Variants in ANKS6 observed in about 807,000 individuals in gnomAD.
ANKS6 encodes ankyrin repeat and SAM domain-containing protein 6.
ANKS6 carries 47 observed loss-of-function variants against 77.9 expected under a neutral mutation model. The observed-to-expected ratio is 0.60, with a 90% CI of 0.48 to 0.77. The LOEUF (loss-of-function observed/expected upper bound fraction) is 0.77, where lower values mean the gene tolerates loss of function less well. ANKS6 is among the 30% of genes least tolerant of loss of function. ANKS6 has a pLI of 0.00. For synonymous variants in ANKS6, 488 were observed against 501.7 expected (o/e 0.97, Z 0.37); for missense variants, 1,150 against 1,159.1 (o/e 0.99, Z 0.11).
chr9:98,792,523 A>AG (rs1834957130), intron 1 of ANKS6, among the ~76,000 whole-genome samples: 1 of 152,238 alleles, frequency 6.6e-6, no homozygotes, highest in Non-Finnish European at 1.5e-5. Flanking sequence ...ATAACCACAT[A>AG]GGGGAAGGTC....
rs527328235 is a variant in ANKS6 at position 98,732,386 on chromosome 9, C to T, written c.*4133G>A. 4.3e-6 allele frequency: 5 copies of T among 1,173,086 alleles called. No individual in the cohort carries two copies. The East Asian group carries it at 7.7e-5, about 18-fold the overall frequency. 72.7% of individuals were successfully genotyped at this position (1,173,086 alleles called of 1,614,324 possible). On this transcript the variant is annotated 3_prime_UTR_variant, in exon 15 of 15. Transcript: ENST00000353234. ...GTCAAACTATCTTTCTTTCTGTCTG[C>T]CATGCCAGGAAATCCAGTGACAGCA...
At chr9:98,756,722 G>C in intron 11 of ANKS6, 119 bp from the exon 12 acceptor site, 3 of 847,548 alleles carry the variant, frequency 3.5e-6, no homozygotes, top group Non-Finnish European at 4.9e-6. Flanking sequence ...GTTTAACCAA[G>C]ACTATGAAAT....
Position 98,732,317 on chromosome 9 carries a change from T to C in ANKS6, c.*4202A>G. The C allele has an allele frequency of 4.3e-6, 3 of 704,936 alleles. No homozygotes were observed. Among genetic ancestry groups the C allele is most frequent in the Non-Finnish European group, 6.9e-6 (3 of 433,030 alleles). The allele number at this position is 704,936 out of a possible 1,614,324, so 43.7% of individuals were successfully genotyped here. On this transcript the variant is annotated 3_prime_UTR_variant, in exon 15 of 15. Transcript: ENST00000353234. ...CTGAGGCAAGAATAAAAGGGACGAG[T>C]TCCCTGCCCCCTTTTTACCCGCTGG...
intron 9 of ANKS6, among the ~76,000 whole-genome samples, chr9:98,771,524 C>T (rs977834077): frequency 6.6e-6 from 1 of 152,188 alleles, no homozygotes; most frequent in Non-Finnish European, 1.5e-5. Flanking sequence ...TTTCCTGGCC[C>T]CATTGTCCCT....
chr9:98,738,408 A>G lies in ANKS6; in HGVS notation c.2512-1785T>C, dbSNP rs549969322. ...CAACAAGAAAAAAACAAACAATCCC[A>G]TCAAAAAGTGGGCTAAGGACATGAA... On this transcript the variant is annotated intron_variant, in intron 14 of 14. Transcript: ENST00000353234. Among the ~76,000 whole-genome samples, 47 of 152,280 alleles carry G rather than the reference A, an allele frequency of 3.1e-4. 1 individual carries two copies. The South Asian group carries it at 9.5e-3, about 31-fold the overall frequency.
chr9:98,732,236 G>A lies in ANKS6; in HGVS notation c.*4283C>T, dbSNP rs1831241133. 2 of 533,782 alleles carry A rather than the reference G, an allele frequency of 3.7e-6. No homozygotes were observed. Among genetic ancestry groups the A allele is most frequent in the South Asian group, 4.3e-5 (2 of 46,650 alleles). 33.1% of individuals were successfully genotyped at this position (533,782 alleles called of 1,614,324 possible). A position where few individuals can be genotyped will look rare whatever the true frequency, so the allele number is the denominator to read the frequency against. On this transcript the variant is annotated 3_prime_UTR_variant, in exon 15 of 15. Transcript: ENST00000353234. ...AGGAGGCATTTACTTGGAAGTACAG[G>A]TCAGCGTTATCCAAAGTTGTCCAGC...
At position 98,780,209 on chromosome 9, in the gene ANKS6, C is replaced by A; in HGVS notation, c.1348G>T (p.Asp450Tyr). ...CAAACCTTCAGTCCACCCTTGTCAT[C>A]GGGCAGCACTGGGATGCTCCAGGGC... ...RQPWSIPVLP[D>Y]DKGGLKSWWN... Residue 450 changes from aspartate to tyrosine, a missense_variant, in exon 6 of 15, where the codon GAT (aspartate) becomes TAT (tyrosine). Transcript: ENST00000353234. 6.2e-7 allele frequency: 1 copy of A among 1,614,032 alleles called. No homozygotes were observed. Among genetic ancestry groups the A allele is most frequent in the South Asian group, 1.1e-5 (1 of 91,048 alleles).
intron 14 of ANKS6, among the ~76,000 whole-genome samples, chr9:98,742,653 G>A (rs1280594948): frequency 6.6e-6 from 1 of 152,166 alleles, no homozygotes; most frequent in Non-Finnish European, 1.5e-5. Context: ...CAGGGTGGAT[G>A]CTGCCTGTTG....
At chr9:98,784,312 G>C (rs940064462) in intron 3 of ANKS6, 155 bp from the exon 4 acceptor site, 6 of 612,780 alleles carry the variant, frequency 9.8e-6, no homozygotes, top group African/African-American at 1.9e-5. Context: ...GTCAGAGATA[G>C]CCCCGACTCT....
In ANKS6 at chr9:98,754,457, C is replaced by T. The variant is rs375217382; in HGVS notation, c.2326+1963G>A. Among the ~76,000 whole-genome samples the T allele has an allele frequency of 2.8e-4, 43 of 152,040 alleles. 1 individual carries two copies. In the East Asian group the frequency reaches 5.2e-3, roughly 19 times the overall value. ...GAGATCGAGACCATCCTGGCTAACA[C>T]GGTGAAACCCCGTCTCTACTAATAA... On this transcript the variant is annotated intron_variant, in intron 12 of 14. Transcript: ENST00000353234.
At position 98,790,360 on chromosome 9, in the gene ANKS6, C is replaced by A. The variant is rs774174680; in HGVS notation, c.606G>T (p.Gly202=). 1.1e-5 allele frequency: 18 copies of A among 1,613,264 alleles called. No individual in the cohort carries two copies. Among genetic ancestry groups the A allele is most frequent in the Non-Finnish European group, 1.4e-5 (16 of 1,179,950 alleles). Residue 202 remains glycine (G), a synonymous_variant, in exon 2 of 15, where the codon GGG becomes GGT. Transcript: ENST00000353234. ...TCAGTAGACGCACCACGGCCTCGTGCCCGTGCTGGATGGCAGCCATCAGGG... is the reference window on the plus strand; with the variant it reads ...TCAGTAGACGCACCACGGCCTCGTGACCGTGCTGGATGGCAGCCATCAGGG... ...ITALMAAIQH[G]HEAVVRLLME... is the part of the protein sequence containing the mutation.
intron 12 of ANKS6, among the ~76,000 whole-genome samples, chr9:98,755,526 C>CT: frequency 6.6e-6 from 1 of 152,346 alleles, no homozygotes; most frequent in Non-Finnish European, 1.5e-5. Flanking sequence ...CGCATGGGGG[C>CT]TGCAGAGGCT....
intron 1 of ANKS6, among the ~76,000 whole-genome samples, chr9:98,794,804 C>A (rs1264088418): frequency 1.3e-5 from 2 of 152,136 alleles, no homozygotes; most frequent in South Asian, 4.1e-4. Context: ...ACCTACCATA[C>A]AAGAGAATCA....
intron 9 of ANKS6, 21 bp from the exon 10 acceptor site, chr9:98,771,067 C>T (rs952871466): frequency 1.3e-6 from 2 of 1,513,876 alleles, no homozygotes; most frequent in East Asian, 2.5e-5. Flanking sequence ...AAGGCAGGTG[C>T]AGCACTTAGG....
chr9:98,738,511 A>T (rs1457655961), intron 14 of ANKS6, among the ~76,000 whole-genome samples: 1 of 152,172 alleles, frequency 6.6e-6, no homozygotes, highest in African/African-American at 2.4e-5. Flanking sequence ...ATGATCAGGG[A>T]AATGTAAATC....
In ANKS6 at chr9:98,756,301, A is replaced by G. The variant is rs954294304; in HGVS notation, c.2326+119T>C. ...GAAGAGGAGGGACATGTTTGTCGTA[A>G]ATCTTCTTAAAACCTGACCTAGGAT... is the stretch of plus-strand genomic sequence containing the variant. On this transcript the variant is annotated intron_variant, in intron 12 of 14. Coordinates refer to ENST00000353234, the MANE Select transcript of ANKS6 (RefSeq NM_173551.5). 3.5e-6 allele frequency: 4 copies of G among 1,127,028 alleles called. No individual in the cohort carries two copies. The African/African-American group carries it at 4.8e-5, about 14-fold the overall frequency. The allele number at this position is 1,127,028 out of a possible 1,614,324, so 69.8% of individuals were successfully genotyped here. A position where few individuals can be genotyped will look rare whatever the true frequency, so the allele number is the denominator to read the frequency against.
chr9:98,784,331 T>G, intron 3 of ANKS6, 174 bp from the exon 4 acceptor site: 1 of 551,166 alleles, frequency 1.8e-6, no homozygotes. Flanking sequence ...CTTAAATGCC[T>G]CAGTCTAGGC....
In ANKS6 at chr9:98,732,654, A is replaced by G. The variant is rs1188376569; in HGVS notation, c.*3865T>C. On this transcript the variant is annotated 3_prime_UTR_variant, in exon 15 of 15. Transcript: ENST00000353234. ...GTTTCCCACATCTGCACCGCTCCAC[A>G]GTGTGAAAAGGGCTTTCTCACTTTC... 5.2e-6 allele frequency: 8 copies of G among 1,525,582 alleles called. No individual in the cohort carries two copies. In the Admixed American group the frequency reaches 1.5e-4, roughly 28 times the overall value. 94.5% of individuals were successfully genotyped at this position (1,525,582 alleles called of 1,614,324 possible).
rs1222661903 is a variant in ANKS6, at chr9:98,732,141, A to G, written c.*4378T>C. The G allele has an allele frequency of 3.3e-6, 1 of 303,604 alleles. No homozygotes were observed. The highest frequency in any genetic ancestry group is 6.2e-6 in the Non-Finnish European group (1 of 161,634). The allele number at this position is 303,604 out of a possible 1,614,324, so 18.8% of individuals were successfully genotyped here. ...AAGGACAGCGACAGGATGGTGCTTC[A>G]CAGTGCCTCCTGCTGATGGCACCTT... On this transcript the variant is annotated 3_prime_UTR_variant, in exon 15 of 15. Transcript: ENST00000353234.
Sources: allele counts gnomAD v4.1 joint callset (sites outside exome capture counted in the v4.1 genomes callset), GRCh38; gene constraint gnomAD v4.1.1; transcripts MANE v1.5; gene names NCBI Gene and HGNC (gene_info 2026-07-23, HGNC 2026-07-21).